The following TOGARAM1 variants were observed in gnomAD, a reference collection of about 807,000 sequenced individuals.
The protein encoded by TOGARAM1 is TOG array regulator of axonemal microtubules protein 1.
TOGARAM1 carries 100 observed loss-of-function variants against 166.6 expected under a neutral mutation model. The observed-to-expected ratio is 0.60, with a 90% CI of 0.51 to 0.71. The LOEUF is 0.71. Among genes scored for constraint, TOGARAM1 ranks in the 30% least tolerant of loss-of-function variants. The probability of loss-of-function intolerance (pLI) is 0.00; values close to 1 mark genes in which losing one functional copy is unlikely to be tolerated. For missense variants in TOGARAM1, 2,029 were observed against 2,102.7 expected (o/e 0.96, Z 0.69); for synonymous variants, 758 against 763.8 (o/e 0.99, Z 0.13).
At chr14:44,976,542 A>G (rs1176422329) in intron 1 of TOGARAM1, among the ~76,000 whole-genome samples, 1 of 152,258 alleles carries the variant, frequency 6.6e-6, no homozygotes, top group East Asian at 1.9e-4. Flanking sequence ...TCTTTAGCAC[A>G]GTGCTTGGCA....
chr14:44,963,729 T>G lies in TOGARAM1; in HGVS notation c.1308T>G (p.Val436=). 3 of 1,614,026 alleles carry G rather than the reference T, an allele frequency of 1.9e-6. No individual in the cohort carries two copies. The highest frequency in any genetic ancestry group is 2.5e-6 in the Non-Finnish European group (3 of 1,179,960). The change falls in exon 1 of 20, where the codon GTT becomes GTG. Residue 436 remains valine, a synonymous_variant. Transcript: ENST00000361462. ...AGGTACAGCAGTTCTTGGGACCAGT[T>G]ATAGCAGCTTCTGTCAAAGTGCTGG... ...GEQVQQFLGP[V]IAASVKVLAD... is the part of the protein sequence containing the mutation.
In TOGARAM1 at chr14:45,021,367, C is replaced by T. The variant is rs140816075; in HGVS notation, c.3239-4416C>T. Among the ~76,000 whole-genome samples the T allele has an allele frequency of 8.0e-4, 122 of 152,122 alleles. 1 individual carries two copies. The East Asian group carries it at 0.022, about 28-fold the overall frequency. ...CTATATGATGGGGCATCAATATTTC[C>T]GGGAAGCCGCATTCTCCATAGAAAC... On this transcript the variant is annotated intron_variant, in intron 7 of 19. Transcript: ENST00000361462.
rs913167845 is a variant in TOGARAM1 at position 45,070,142 on chromosome 14, A to G, written c.4969+1499A>G. On this transcript the variant is annotated intron_variant, in intron 18 of 19. Transcript: ENST00000361462. ...GCTTGCAGTGAACCAAGATCACGCCACTGCACTTCAGCCTGGATGACAGAG... is the reference window on the plus strand; with the variant it reads ...GCTTGCAGTGAACCAAGATCACGCCGCTGCACTTCAGCCTGGATGACAGAG... Among the ~76,000 whole-genome samples the G allele has an allele frequency of 3.3e-5, 5 of 152,170 alleles. No individual in the cohort carries two copies. The South Asian group carries it at 1.0e-3, about 32-fold the overall frequency.
In TOGARAM1 at chr14:44,962,655, C is replaced by A; in HGVS notation, c.234C>A (p.Val78=). The change falls in exon 1 of 20, where the codon GTC becomes GTA. Residue 78 remains valine, a synonymous_variant. Coordinates refer to ENST00000361462, the MANE Select transcript of TOGARAM1 (RefSeq NM_001308120.2). ...CCCTCTTGATGCCCTCGGAGGCAGT[C>A]TCAAGCAGCTGGTCTGAGTCTGGAG... ...ASALLMPSEA[V]SSSWSESGGG... The A allele has an allele frequency of 1.2e-6, 2 of 1,614,126 alleles. No homozygotes were observed. Among genetic ancestry groups the A allele is most frequent in the Non-Finnish European group, 1.7e-6 (2 of 1,179,992 alleles).
intron 10 of TOGARAM1, among the ~76,000 whole-genome samples, chr14:45,031,594 C>G (rs752361780): frequency 2.0e-5 from 3 of 152,116 alleles, no homozygotes; most frequent in African/African-American, 7.2e-5. Flanking sequence ...TGGGATCGTA[C>G]TACTTCTTTT....
chr14:45,004,831 T>C (rs1339673421), intron 4 of TOGARAM1, among the ~76,000 whole-genome samples: 1 of 152,222 alleles, frequency 6.6e-6, no homozygotes, highest in African/African-American at 2.4e-5. Context: ...GCTTTACAAA[T>C]ATAAAATGTC....
chr14:45,028,441 C>T, intron 10 of TOGARAM1, 112 bp downstream of exon 10: 1 of 1,173,344 alleles, frequency 8.5e-7, no homozygotes, highest in Non-Finnish European at 1.2e-6. Flanking sequence ...TCTTATATAA[C>T]ACCGAAATTT....
chr14:45,031,854 G>C (rs143974685), intron 10 of TOGARAM1, among the ~76,000 whole-genome samples: 1 of 152,064 alleles, frequency 6.6e-6, no homozygotes, highest in African/African-American at 2.4e-5. Context: ...AATAATGTTT[G>C]TACCCTTTGT....
chr14:44,998,637 AAAAAT>A (rs909203564), intron 2 of TOGARAM1, among the ~76,000 whole-genome samples: 2 of 152,234 alleles, frequency 1.3e-5, no homozygotes, highest in African/African-American at 2.4e-5. Flanking sequence ...CTGTCTTAAA[AAAAAT>A]AAAATAAAAT....
chr14:44,970,202 T>G (rs1594604975), intron 1 of TOGARAM1, among the ~76,000 whole-genome samples: 1 of 152,224 alleles, frequency 6.6e-6, no homozygotes, highest in East Asian at 1.9e-4. Context: ...ATTTAGCTCT[T>G]CTTTGATATC....
chr14:45,051,284 TAG>T (rs1882351733), intron 14 of TOGARAM1, among the ~76,000 whole-genome samples: 1 of 152,136 alleles, frequency 6.6e-6, no homozygotes, highest in African/African-American at 2.4e-5. Context: ...AAGTTTTGGC[TAG>T]GGAAAAACAG....
At chr14:45,054,352 C>A in intron 15 of TOGARAM1, 79 bp from the exon 16 acceptor site, 2 of 868,792 alleles carry the variant, frequency 2.3e-6, no homozygotes, top group South Asian at 1.9e-5. Context: ...ATGATGCCTA[C>A]TTTGAAAATT....
chr14:45,017,651 A>G (rs766177770), intron 7 of TOGARAM1, among the ~76,000 whole-genome samples: 8 of 152,186 alleles, frequency 5.3e-5, no homozygotes, highest in Non-Finnish European at 8.8e-5. Flanking sequence ...TGGGAGGCTG[A>G]GGTGGGTGGA....
intron 1 of TOGARAM1, among the ~76,000 whole-genome samples, chr14:44,977,228 A>T (rs7147811): frequency 0.14 from 20,493 of 145,230 alleles, 2,888 homozygotes; most frequent in African/African-American, 0.36. Context: ...AAAATTAGAC[A>T]GACTTTTTTT....
intron 11 of TOGARAM1, among the ~76,000 whole-genome samples, chr14:45,035,811 T>C (rs1231077788): frequency 6.6e-6 from 1 of 151,742 alleles, no homozygotes; most frequent in Non-Finnish European, 1.5e-5. Context: ...GAAAATATCT[T>C]TCAAAAATAA....
chr14:45,058,083 T>C (rs1271815387), intron 16 of TOGARAM1, among the ~76,000 whole-genome samples: 1 of 152,220 alleles, frequency 6.6e-6, no homozygotes, highest in Admixed American at 6.5e-5. Context: ...TGTCTCTTTC[T>C]TTAGGTCTAG....
rs747983176 is a variant in TOGARAM1 at position 44,965,869 on chromosome 14, A to ATTTTTT, written c.2046+1420_2046+1425dup. 8.7e-4 allele frequency among the ~76,000 whole-genome samples: 105 copies of ATTTTTT among 120,484 alleles called. 2 individuals are homozygous for ATTTTTT. Among genetic ancestry groups the ATTTTTT allele is most frequent in the African/African-American group, 3.1e-3 (94 of 30,074 alleles). 79.0% of individuals were successfully genotyped at this position (120,484 alleles called of 152,430 possible). The stretch of plus-strand genomic sequence containing the variant: ...TTACACTGGGGGCTTACAAATAGTA[A>ATTTTTT]TTTTTTTTTTTTTTTTTTTTTTTGA... On this transcript the variant is annotated intron_variant, in intron 1 of 19. Coordinates refer to ENST00000361462, the MANE Select transcript of TOGARAM1 (RefSeq NM_001308120.2).
At chr14:44,977,661 C>T (rs1033937265) in intron 1 of TOGARAM1, among the ~76,000 whole-genome samples, 1 of 151,682 alleles carries the variant, frequency 6.6e-6, no homozygotes, top group Admixed American at 6.6e-5. Flanking sequence ...TTTTTTGAAA[C>T]AGAGTCTCAC....
intron 1 of TOGARAM1, among the ~76,000 whole-genome samples, chr14:44,976,826 G>T (rs1026620542): frequency 5.3e-5 from 8 of 152,020 alleles, no homozygotes; most frequent in African/African-American, 1.9e-4. Context: ...TGCTTCTTTG[G>T]TCCTATATTC....
Sources: gnomAD v4.1 joint callset for allele counts (sites outside exome capture counted in the v4.1 genomes callset) on GRCh38, gnomAD v4.1.1 for gene constraint, MANE v1.5 for transcripts, NCBI Gene and HGNC (gene_info 2026-07-23, HGNC 2026-07-21) for gene names.